The following ACTR3C variants were observed in gnomAD, a reference collection of about 807,000 sequenced individuals.
The protein encoded by ACTR3C is actin-related protein 3C.
Under a neutral mutation model 26.3 loss-of-function variants are expected in ACTR3C, and 18 were observed. The ratio of observed to expected loss-of-function variants is 0.68; its 90% CI spans 0.47 to 1.01. The LOEUF is 1.01. ACTR3C is among the 50% of genes least tolerant of loss of function. The probability of loss-of-function intolerance (pLI) is 0.00; values close to 1 mark genes in which losing one functional copy is unlikely to be tolerated. For missense variants in ACTR3C, 184 were observed against 250.7 expected (o/e 0.73, Z 1.80); for synonymous variants, 55 against 94.5 (o/e 0.58, Z 2.42).
the ACTR3C span, among the ~76,000 whole-genome samples, chr7:149,964,087 T>C: frequency 2.0e-5 from 3 of 152,036 alleles, no homozygotes; most frequent in African/African-American, 7.3e-5. Flanking sequence ...GGGAAGGCAT[T>C]CTTGGAAAGA....
the ACTR3C span, among the ~76,000 whole-genome samples, chr7:150,036,081 TCC>T: frequency 0.24 from 30,077 of 123,364 alleles, 5,849 homozygotes; most frequent in Non-Finnish European, 0.31. Context: ...CGAGGGGTGC[TCC>T]CCCCCCTGCG....
chr7:150,259,481 T>C (rs1833490675), intron 6 of ACTR3C, among the ~76,000 whole-genome samples: 1 of 152,178 alleles, frequency 6.6e-6, no homozygotes, highest in South Asian at 2.1e-4. Flanking sequence ...TTAAAATAAA[T>C]TGAATAAGTT....
chr7:150,029,043 C>G, the ACTR3C span, among the ~76,000 whole-genome samples: 2 of 151,992 alleles, frequency 1.3e-5, no homozygotes, highest in Admixed American at 1.3e-4. Context: ...TGGGTAATCT[C>G]TCAATTCTTA....
the ACTR3C span, among the ~76,000 whole-genome samples, chr7:150,096,665 T>A: frequency 6.6e-6 from 1 of 151,872 alleles, no homozygotes; most frequent in East Asian, 1.9e-4. Flanking sequence ...TCTAAGCATG[T>A]TAATTGCACT....
chr7:149,950,237 T>C, the ACTR3C span, among the ~76,000 whole-genome samples: 2 of 115,432 alleles, frequency 1.7e-5, no homozygotes, highest in Non-Finnish European at 3.3e-5. Context: ...TTAAACGTGG[T>C]CATTTGCTGA....
the ACTR3C span, among the ~76,000 whole-genome samples, chr7:149,906,274 GGAAAA>G: frequency 1.3e-5 from 2 of 151,666 alleles, no homozygotes; most frequent in Non-Finnish European, 2.9e-5. Context: ...AAAGAAAAGA[GGAAAA>G]GAAGAGAGGG....
At chr7:150,219,389 T>TA in the ACTR3C span, among the ~76,000 whole-genome samples, 1 of 148,088 alleles carries the variant, frequency 6.8e-6, no homozygotes, top group East Asian at 1.9e-4. Flanking sequence ...TTTTTCGGTT[T>TA]AAAAAAATAT....
the ACTR3C span, among the ~76,000 whole-genome samples, chr7:150,227,688 G>GTTTTTTTTTTTTTTTTTTTTCTTTTTTT: frequency 9.0e-6 from 1 of 111,388 alleles, no homozygotes; most frequent in African/African-American, 3.8e-5. Context: ...TTGTGTCTGG[G>GTTTTTTTTTTTTTTTTTTTTCTTTTTTT]TTTTTTTTTT....
At chr7:149,965,918 G>A in the ACTR3C span, among the ~76,000 whole-genome samples, 1 of 152,198 alleles carries the variant, frequency 6.6e-6, no homozygotes, top group Non-Finnish European at 1.5e-5. Context: ...AAAGGTGTGT[G>A]CCTGAGTTCC....
chr7:149,885,691 TG>T, the ACTR3C span, among the ~76,000 whole-genome samples: 1 of 152,188 alleles, frequency 6.6e-6, no homozygotes, highest in Non-Finnish European at 1.5e-5. Context: ...CACACTGGGG[TG>T]GTGACTTCAT....
the ACTR3C span, among the ~76,000 whole-genome samples, chr7:150,067,305 T>C: frequency 6.6e-6 from 1 of 152,176 alleles, no homozygotes; most frequent in Non-Finnish European, 1.5e-5. Flanking sequence ...AGAACGCAAG[T>C]GTCTTCTCCC....
At chr7:150,278,849 C>A (rs1835092570) in intron 6 of ACTR3C, among the ~76,000 whole-genome samples, 1 of 152,224 alleles carries the variant, frequency 6.6e-6, no homozygotes, top group African/African-American at 2.4e-5. Flanking sequence ...CTGACCAAAC[C>A]AGAGCAGCTA....
the ACTR3C span, among the ~76,000 whole-genome samples, chr7:150,108,091 G>A: frequency 2.0e-5 from 3 of 150,046 alleles, no homozygotes; most frequent in African/African-American, 7.5e-5. Flanking sequence ...TCTGATAGCA[G>A]TGGGTAGGAC....
the ACTR3C span, among the ~76,000 whole-genome samples, chr7:150,215,653 A>C: frequency 9.9e-5 from 15 of 152,054 alleles, no homozygotes; most frequent in Non-Finnish European, 1.5e-4. Context: ...AGAATGTTAA[A>C]TATCCACCTT....
the ACTR3C span, among the ~76,000 whole-genome samples, chr7:150,149,113 A>G: frequency 9.8e-6 from 1 of 101,578 alleles, no homozygotes; most frequent in Non-Finnish European, 2.0e-5. Flanking sequence ...ATATATATAT[A>G]TATATATATA....
At chr7:150,095,269 A>G in the ACTR3C span, among the ~76,000 whole-genome samples, 3 of 149,982 alleles carry the variant, frequency 2.0e-5, 1 homozygote, top group Middle Eastern at 0.01. Context: ...ACAAACCACC[A>G]AGCGTTCGAC....
chr7:150,254,829 G>A (rs1833095155), intron 6 of ACTR3C, among the ~76,000 whole-genome samples: 2 of 152,206 alleles, frequency 1.3e-5, no homozygotes, highest in Non-Finnish European at 2.9e-5. Flanking sequence ...GCAAGCAACA[G>A]GACCTAGACT....
At chr7:150,302,658 T>C (rs1222789139) in intron 1 of ACTR3C, among the ~76,000 whole-genome samples, 1 of 152,176 alleles carries the variant, frequency 6.6e-6, no homozygotes, top group Non-Finnish European at 1.5e-5. Flanking sequence ...GTGATAAGAC[T>C]ATAAAAATCC....
the ACTR3C span, among the ~76,000 whole-genome samples, chr7:150,052,370 T>TAC: frequency 3.5e-4 from 53 of 152,136 alleles, no homozygotes; most frequent in African/African-American, 1.2e-3. Context: ...CACACACACA[T>TAC]ACACACACAC....
Sources: allele counts gnomAD v4.1 joint callset (sites outside exome capture counted in the v4.1 genomes callset), GRCh38; gene constraint gnomAD v4.1.1; transcripts MANE v1.5; gene names NCBI Gene and HGNC (gene_info 2026-07-23, HGNC 2026-07-21).